Variants in HEXB observed in about 807,000 individuals in gnomAD.
The protein encoded by HEXB is hexosaminidase subunit beta.
HEXB carries 51 observed loss-of-function variants against 71.2 expected under a neutral mutation model. That is an observed-to-expected ratio of 0.72 (90% confidence interval 0.57 to 0.90). HEXB has a LOEUF of 0.90. Among genes scored for constraint, HEXB ranks in the 40% least tolerant of loss-of-function variants. The probability of loss-of-function intolerance (pLI) is 0.00; values close to 1 mark genes in which losing one functional copy is unlikely to be tolerated. For missense variants in HEXB, 617 were observed against 677.0 expected (o/e 0.91, Z 0.98); for synonymous variants, 266 against 249.3 (o/e 1.07, Z -0.63).
At chr5:74,692,110 G>A (rs1016920026) in intron 2 of HEXB, among the ~76,000 whole-genome samples, 5 of 152,090 alleles carry the variant, frequency 3.3e-5, no homozygotes, top group Non-Finnish European at 7.4e-5. Context: ...TTAGGTGACT[G>A]TGCTATTTCT....
intron 5 of HEXB, among the ~76,000 whole-genome samples, chr5:74,697,942 G>A (rs960125666): frequency 6.6e-6 from 1 of 151,882 alleles, no homozygotes; most frequent in African/African-American, 2.4e-5. Context: ...TTTCTCCTAT[G>A]GGCTTTTTTT....
chr5:74,696,973 A>C, intron 4 of HEXB, 23 bp from the exon 5 acceptor site: 1 of 1,279,848 alleles, frequency 7.8e-7, no homozygotes, highest in Non-Finnish European at 1.1e-6. Context: ...CTAAAACTAA[A>C]TCAAAATTTT....
intron 1 of HEXB, among the ~76,000 whole-genome samples, chr5:74,676,232 A>C (rs375897638): frequency 6.6e-6 from 1 of 152,228 alleles, no homozygotes; most frequent in Non-Finnish European, 1.5e-5. Flanking sequence ...ATTTGGGCCA[A>C]GCTTGAGTAG....
At chr5:74,705,159 G>T (rs1462432623) in intron 5 of HEXB, 60 bp from the exon 6 acceptor site, 19 of 937,866 alleles carry the variant, frequency 2.0e-5, no homozygotes, top group Non-Finnish European at 2.8e-5. Flanking sequence ...AATGTAGATA[G>T]GTAATATGGA....
intron 1 of HEXB, among the ~76,000 whole-genome samples, chr5:74,680,036 GATGTGTGGA>G (rs1163091640): frequency 6.6e-6 from 1 of 152,158 alleles, no homozygotes; most frequent in Non-Finnish European, 1.5e-5. Context: ...ATCTTGAAGA[GATGTGTGGA>G]AGTGGCTTTT....
At chr5:74,689,737 AT>A in intron 2 of HEXB, 2 of 485,884 alleles carry the variant, frequency 4.1e-6, no homozygotes, top group East Asian at 3.7e-5. Flanking sequence ...TTTTAGGTGT[AT>A]TTTTTTGCAG....
chr5:74,702,118 G>A (rs1233608677), intron 5 of HEXB, among the ~76,000 whole-genome samples: 3 of 101,780 alleles, frequency 2.9e-5, no homozygotes, highest in South Asian at 3.9e-4. Context: ...TCGCTCTGTC[G>A]CCCAGGCTGG....
intron 1 of HEXB, among the ~76,000 whole-genome samples, chr5:74,656,480 AAAAATAAAATAAAATAAAATAAAAT>A (rs369978790): frequency 2.1e-5 from 3 of 145,696 alleles, no homozygotes; most frequent in Non-Finnish European, 4.5e-5. Context: ...CTCTGTCTCA[AAAAATAAAATAAAATAAAATAAAAT>A]AAAATAAAAT....
chr5:74,718,454 A>C (rs1561227830), intron 10 of HEXB, 91 bp downstream of exon 10: 1 of 963,782 alleles, frequency 1.0e-6, no homozygotes, highest in African/African-American at 1.6e-5. Flanking sequence ...AACTACTAGT[A>C]TTACCTTTCT....
chr5:74,691,356 A>T (rs1021807984), intron 2 of HEXB, among the ~76,000 whole-genome samples: 1 of 152,244 alleles, frequency 6.6e-6, no homozygotes, highest in Non-Finnish European at 1.5e-5. Flanking sequence ...AAATGGACAC[A>T]TAAATCAAGG....
intron 2 of HEXB, chr5:74,689,890 A>G (rs1165378366): frequency 5.2e-6 from 1 of 192,634 alleles, no homozygotes; most frequent in East Asian, 1.4e-4. Flanking sequence ...TACATTATAA[A>G]TTAAACATGA....
intron 1 of HEXB, among the ~76,000 whole-genome samples, chr5:74,655,117 C>G (rs1022068115): frequency 6.6e-6 from 1 of 152,032 alleles, no homozygotes; most frequent in Non-Finnish European, 1.5e-5. Context: ...GGGAAAGCCA[C>G]ACTAGTTTCT....
intron 1 of HEXB, among the ~76,000 whole-genome samples, chr5:74,664,639 A>C (rs1343474691): frequency 6.6e-6 from 1 of 152,162 alleles, no homozygotes; most frequent in Admixed American, 6.5e-5. Flanking sequence ...CAAGCTGGGA[A>C]AGCTTAAAAA....
intron 1 of HEXB, among the ~76,000 whole-genome samples, chr5:74,644,381 C>T (rs1488256228): frequency 6.6e-6 from 1 of 152,220 alleles, no homozygotes; most frequent in Non-Finnish European, 1.5e-5. Context: ...CCAGCACACA[C>T]AGAGGCTGGA....
chr5:74,649,010 A>G lies in HEXB; in HGVS notation c.-377+8452A>G, dbSNP rs567880288. ...CTGGCTACAATGAAAAACCAATTATAGAAGGGTCTGAAGATATTCAAAACC... is the reference window on the plus strand; with the variant it reads ...CTGGCTACAATGAAAAACCAATTATGGAAGGGTCTGAAGATATTCAAAACC... On this transcript the variant is annotated intron_variant, in intron 1 of 13. Transcript: ENST00000511181. Among the ~76,000 whole-genome samples the G allele has an allele frequency of 7.9e-5, 12 of 152,332 alleles. No homozygotes were observed. The South Asian group carries it at 2.5e-3, about 32-fold the overall frequency.
chr5:74,704,451 TAACTC>T (rs746826368), intron 5 of HEXB, among the ~76,000 whole-genome samples: 4 of 152,182 alleles, frequency 2.6e-5, no homozygotes, highest in Admixed American at 6.5e-5. Flanking sequence ...ATAAAATTAA[TAACTC>T]AATTTGCCCA....
intron 1 of HEXB, among the ~76,000 whole-genome samples, chr5:74,668,626 A>G (rs1317530405): frequency 6.6e-6 from 1 of 152,224 alleles, no homozygotes; most frequent in East Asian, 1.9e-4. Flanking sequence ...AATCTGCTAT[A>G]TAGCAAGGCT....
At chr5:74,718,489 C>T (rs183296497) in intron 10 of HEXB, 126 bp downstream of exon 10, 7 of 794,802 alleles carry the variant, frequency 8.8e-6, no homozygotes, top group African/African-American at 1.7e-5. Flanking sequence ...CCACTTTGGA[C>T]CTCATAGTTC....
chr5:74,683,444 C>T (rs547035715), upstream of HEXB, among the ~76,000 whole-genome samples: 10 of 152,234 alleles, frequency 6.6e-5, no homozygotes, highest in East Asian at 1.9e-4. Flanking sequence ...GCTGGGATTA[C>T]GGGCGTGTGC....
Sources: allele counts gnomAD v4.1 joint callset (sites outside exome capture counted in the v4.1 genomes callset), GRCh38; gene constraint gnomAD v4.1.1; transcripts MANE v1.5; gene names NCBI Gene and HGNC (gene_info 2026-07-23, HGNC 2026-07-21).